The following DOCK9 variants were observed in gnomAD, a reference collection of about 807,000 sequenced individuals.
DOCK9 encodes the protein dedicator of cytokinesis protein 9.
Under a neutral mutation model 263.3 loss-of-function variants are expected in DOCK9, and 89 were observed. That is an observed-to-expected ratio of 0.34 (90% CI 0.28 to 0.40). The LOEUF (loss-of-function observed/expected upper bound fraction) is 0.40, where lower values mean the gene tolerates loss of function less well. Ranked by LOEUF, DOCK9 falls within the 10% of genes least tolerant of loss-of-function variation. The pLI is 1.00. For missense variants in DOCK9, 2,140 were observed against 2,603.4 expected (o/e 0.82, Z 3.87); for synonymous variants, 976 against 973.1 (o/e 1.00, Z -0.06).
chr13:98,809,294 T>C, intron 47 of DOCK9, 58 bp downstream of exon 47: 1 of 1,458,228 alleles, frequency 6.9e-7, no homozygotes, highest in Non-Finnish European at 9.4e-7. Context: ...TTTTTGTTTT[T>C]GTTTTTGTTT....
intron 1 of DOCK9, among the ~76,000 whole-genome samples, chr13:98,955,999 G>T (rs1463414093): frequency 6.6e-6 from 1 of 152,180 alleles, no homozygotes; most frequent in Admixed American, 6.5e-5. Flanking sequence ...CAGACAAGGG[G>T]CTCCAAGACG....
intron 1 of DOCK9, among the ~76,000 whole-genome samples, chr13:99,064,996 A>G (rs1383485812): frequency 6.6e-6 from 1 of 152,176 alleles, no homozygotes; most frequent in African/African-American, 2.4e-5. Flanking sequence ...GATAAATTCT[A>G]CACTCTTCTC....
chr13:99,062,613 G>A (rs1487357969), intron 1 of DOCK9, among the ~76,000 whole-genome samples: 5 of 152,274 alleles, frequency 3.3e-5, no homozygotes, highest in African/African-American at 7.2e-5. Flanking sequence ...ATTCGCTCCC[G>A]CAAGCCTTCT....
At chr13:99,081,274 A>G (rs2042111808) in intron 1 of DOCK9, among the ~76,000 whole-genome samples, 1 of 152,188 alleles carries the variant, frequency 6.6e-6, no homozygotes, top group Non-Finnish European at 1.5e-5. Context: ...CTCCGACAGC[A>G]CTGGAATCTT....
intron 1 of DOCK9, among the ~76,000 whole-genome samples, chr13:99,045,347 A>C (rs78910459): frequency 6.6e-6 from 1 of 152,340 alleles, no homozygotes; most frequent in East Asian, 1.9e-4. Flanking sequence ...AAGAGAAAGA[A>C]ATCGTCTGCA....
At chr13:98,991,064 C>A (rs1248422909) in intron 1 of DOCK9, among the ~76,000 whole-genome samples, 1 of 141,746 alleles carries the variant, frequency 7.1e-6, no homozygotes, top group Non-Finnish European at 1.5e-5. Context: ...AAAAGGGATG[C>A]AAACAAGTAA....
Position 98,951,959 on chromosome 13 carries a change from G to A in DOCK9, c.243+3476C>T, listed in dbSNP as rs370156639. Reference sequence around the variant, plus strand: ...GTCCCCCAGGCTGGAGTGCAATGGCGCGATCTTGGCTCACTGCAACCTCCA... The same window carrying A: ...GTCCCCCAGGCTGGAGTGCAATGGCACGATCTTGGCTCACTGCAACCTCCA... On this transcript the variant is annotated intron_variant, in intron 2 of 52. Coordinates refer to ENST00000682017, the MANE Select transcript of DOCK9 (RefSeq NM_001366683.2). Among the ~76,000 whole-genome samples the A allele has an allele frequency of 1.5e-3, 222 of 144,912 alleles. 7 individuals are homozygous for A. In the South Asian group the frequency reaches 0.046, roughly 30 times the overall value.
In DOCK9 at chr13:98,886,627, A is replaced by T. The variant is rs761494414; in HGVS notation, c.2044-3T>A. 6.2e-7 allele frequency: 1 copy of T among 1,612,976 alleles called. No individual in the cohort carries two copies. Among genetic ancestry groups the T allele is most frequent in the Non-Finnish European group, 8.5e-7 (1 of 1,179,028 alleles). Reference sequence around the variant, plus strand: ...CCACCAGGTCTGCCATAAATGCACTAAAATAAGAGTTACCAAAGGGAAACA... The same window carrying T: ...CCACCAGGTCTGCCATAAATGCACTTAAATAAGAGTTACCAAAGGGAAACA... On this transcript the variant is annotated splice_polypyrimidine_tract_variant and splice_region_variant and intron_variant, in intron 18 of 52. Coordinates refer to ENST00000682017, the MANE Select transcript of DOCK9 (RefSeq NM_001366683.2).
rs2041730423 is a variant in DOCK9, at chr13:99,072,614, C to T, written c.129+13609G>A. 2.0e-5 allele frequency among the ~76,000 whole-genome samples: 3 copies of T among 152,218 alleles called. No individual in the cohort carries two copies. The South Asian group carries it at 6.2e-4, about 32-fold the overall frequency. On this transcript the variant is annotated intron_variant, in intron 1 of 32. Transcript: ENST00000427887. ...ACTACCTCGCTGATGCTATCTATAC[C>T]CACTAACCCTGAGGCTTTAGTCAGA...
intron 49 of DOCK9, among the ~76,000 whole-genome samples, chr13:98,804,359 C>T (rs1298985677): frequency 2.0e-5 from 3 of 152,212 alleles, no homozygotes; most frequent in African/African-American, 4.8e-5. Flanking sequence ...AGACACTTGC[C>T]AGGGACCGGG....
chr13:98,855,827 A>G (rs1441000675), intron 34 of DOCK9, 71 bp downstream of exon 34: 6 of 1,578,276 alleles, frequency 3.8e-6, no homozygotes, highest in Non-Finnish European at 5.2e-6. Flanking sequence ...GCACTAGAAC[A>G]TGAAGTACGT....
intron 1 of DOCK9, among the ~76,000 whole-genome samples, chr13:99,080,341 C>G (rs1452040565): frequency 1.3e-5 from 2 of 152,150 alleles, no homozygotes; most frequent in African/African-American, 4.8e-5. Flanking sequence ...TGACAGAAAA[C>G]AGTCACATTA....
At chr13:98,941,353 C>T (rs559147320) in intron 2 of DOCK9, among the ~76,000 whole-genome samples, 1 of 152,276 alleles carries the variant, frequency 6.6e-6, no homozygotes, top group Admixed American at 6.5e-5. Context: ...CTCAGCAACA[C>T]GTGAGACTTT....
chr13:98,804,940 T>C, intron 49 of DOCK9, 59 bp downstream of exon 49: 2 of 1,530,906 alleles, frequency 1.3e-6, no homozygotes, highest in Non-Finnish European at 1.8e-6. Flanking sequence ...TGAATCCCTC[T>C]GGACAGCTCT....
intron 1 of DOCK9, among the ~76,000 whole-genome samples, chr13:99,024,586 A>G (rs1320845018): frequency 2.6e-5 from 4 of 152,234 alleles, no homozygotes; most frequent in Non-Finnish European, 4.4e-5. Context: ...CTTACATTTT[A>G]GCAGCTGACT....
intron 34 of DOCK9, chr13:98,854,524 T>C (rs904602063): frequency 3.9e-5 from 6 of 152,058 alleles, no homozygotes; most frequent in African/African-American, 1.4e-4. Context: ...GGATGCACCC[T>C]CTGGCCTGCC....
At chr13:99,033,696 A>G (rs1887581267) in intron 1 of DOCK9, among the ~76,000 whole-genome samples, 1 of 152,204 alleles carries the variant, frequency 6.6e-6, no homozygotes, top group Admixed American at 6.5e-5. Context: ...GAGGACACTG[A>G]GGCTTAAAGA....
At chr13:99,064,165 A>C (rs2041315837) in intron 1 of DOCK9, among the ~76,000 whole-genome samples, 1 of 152,264 alleles carries the variant, frequency 6.6e-6, no homozygotes, top group Non-Finnish European at 1.5e-5. Flanking sequence ...TCACTGGAAC[A>C]GAGGCAGTAG....
chr13:98,960,711 T>C (rs1410949031), intron 1 of DOCK9, among the ~76,000 whole-genome samples: 4 of 152,190 alleles, frequency 2.6e-5, no homozygotes, highest in African/African-American at 9.7e-5. Flanking sequence ...GTTACAAACG[T>C]AAATTCTGAG....
Sources: gnomAD v4.1 joint callset for allele counts (sites outside exome capture counted in the v4.1 genomes callset) on GRCh38, gnomAD v4.1.1 for gene constraint, MANE v1.5 for transcripts, NCBI Gene and HGNC (gene_info 2026-07-23, HGNC 2026-07-21) for gene names.